Variants in DNAJC15 observed in about 807,000 individuals in gnomAD.
DNAJC15 encodes DnaJ heat shock protein family (Hsp40) member C15.
DNAJC15 carries 27 observed loss-of-function variants against 22.4 expected under a neutral mutation model. That is an observed-to-expected ratio of 1.20 (90% CI 0.89 to 1.66). DNAJC15 has a LOEUF of 1.66. DNAJC15 is among the 40% of genes most tolerant of loss of function. The pLI, the probability that DNAJC15 is intolerant of heterozygous loss-of-function variation, is 0.00. For missense variants in DNAJC15, 208 were observed against 187.1 expected (o/e 1.11, Z -0.65); for synonymous variants, 79 against 63.2 (o/e 1.25, Z -1.19).
chr13:43,107,109 A>G (rs1458373752), intron 5 of DNAJC15, 69 bp from the exon 6 acceptor site: 11 of 1,237,074 alleles, frequency 8.9e-6, no homozygotes, highest in African/African-American at 1.6e-5. Context: ...GAGTATTTTT[A>G]TATTTTGGGG....
chr13:43,094,902 A>G (rs1405677269), intron 5 of DNAJC15, among the ~76,000 whole-genome samples: 4 of 151,708 alleles, frequency 2.6e-5, no homozygotes, highest in African/African-American at 9.7e-5. Context: ...TCAGAATGTC[A>G]TTTTACCTCT....
chr13:43,111,823 A>G lies in DNAJC15; in HGVS notation c.*4575A>G, dbSNP rs915568393. 7 of 152,218 alleles carry G rather than the reference A, an allele frequency of 4.6e-5. No homozygotes were observed. The highest frequency in any genetic ancestry group is 1.0e-4 in the Non-Finnish European group (7 of 68,038). The allele number at this position is 152,218 out of a possible 1,614,324, so 9.4% of individuals were successfully genotyped here. Reference sequence around the variant, plus strand: ...CAGCATAGTCCGTCCCTTCTAATGGAAAAGCAACCCAAAGAGCAAATCCTA... The same window carrying G: ...CAGCATAGTCCGTCCCTTCTAATGGGAAAGCAACCCAAAGAGCAAATCCTA... On this transcript the variant is annotated 3_prime_UTR_variant, in exon 6 of 6. Coordinates refer to ENST00000379221, the MANE Select transcript of DNAJC15 (RefSeq NM_013238.3).
intron 1 of DNAJC15, among the ~76,000 whole-genome samples, chr13:43,034,910 T>C (rs186396402): frequency 6.2e-4 from 94 of 152,330 alleles, no homozygotes; most frequent in African/African-American, 2.2e-3. Context: ...ATGAGTTCTG[T>C]GTATATAACA....
chr13:43,049,668 T>C (rs2040494036), intron 1 of DNAJC15, among the ~76,000 whole-genome samples: 1 of 152,222 alleles, frequency 6.6e-6, no homozygotes, highest in Non-Finnish European at 1.5e-5. Context: ...TACTTAGACT[T>C]AGATTGACTC....
intron 1 of DNAJC15, among the ~76,000 whole-genome samples, chr13:43,026,608 G>GAA (rs202134268): frequency 6.7e-6 from 1 of 149,844 alleles, no homozygotes; most frequent in African/African-American, 2.5e-5. Context: ...TATTAGGAAA[G>GAA]AAAAAAAAAT....
chr13:43,037,089 G>A (rs1215975001), intron 1 of DNAJC15, among the ~76,000 whole-genome samples: 1 of 152,226 alleles, frequency 6.6e-6, no homozygotes, highest in South Asian at 2.1e-4. Flanking sequence ...CAGCTCTGCT[G>A]AATGTCCAGC....
At position 43,094,809 on chromosome 13, in the gene DNAJC15, A is replaced by T. The variant is rs183880271; in HGVS notation, c.382+8971A>T. Among the ~76,000 whole-genome samples the T allele has an allele frequency of 2.0e-5, 3 of 152,306 alleles. No individual in the cohort carries two copies. In the East Asian group the frequency reaches 5.8e-4, roughly 29 times the overall value. On this transcript the variant is annotated intron_variant, in intron 5 of 5. Coordinates refer to ENST00000379221, the MANE Select transcript of DNAJC15 (RefSeq NM_013238.3). ...AGAAGCCTTGCCTGCCCCCAGCAGC[A>T]GCCTTCTTGTGTCCATTGCCCATAC...
intron 5 of DNAJC15, among the ~76,000 whole-genome samples, chr13:43,089,252 A>G (rs570374296): frequency 6.6e-6 from 1 of 152,224 alleles, no homozygotes; most frequent in Non-Finnish European, 1.5e-5. Context: ...TTTATTTAGC[A>G]CCTACTATGT....
chr13:43,092,359 G>A (rs1156425113), intron 5 of DNAJC15, among the ~76,000 whole-genome samples: 1 of 151,634 alleles, frequency 6.6e-6, no homozygotes, highest in African/African-American at 2.4e-5. Flanking sequence ...CAGCCTTTTT[G>A]TATCTCTCTT....
At chr13:43,068,443 T>G (rs2040593253) in intron 2 of DNAJC15, among the ~76,000 whole-genome samples, 1 of 152,238 alleles carries the variant, frequency 6.6e-6, no homozygotes, top group East Asian at 1.9e-4. Context: ...GCTTTTTTAC[T>G]TTAGAGATAA....
intron 5 of DNAJC15, among the ~76,000 whole-genome samples, chr13:43,097,826 A>G (rs1336548866): frequency 6.6e-6 from 1 of 152,152 alleles, no homozygotes; most frequent in Non-Finnish European, 1.5e-5. Context: ...AATCCCAGCT[A>G]CTCAGGAGGC....
At chr13:43,038,884 A>G (rs1751058156) in intron 1 of DNAJC15, among the ~76,000 whole-genome samples, 1 of 152,146 alleles carries the variant, frequency 6.6e-6, no homozygotes, top group Admixed American at 6.5e-5. Context: ...TAAGGACACC[A>G]AGGACTGGTG....
chr13:43,073,471 T>C (rs149080965), intron 3 of DNAJC15, among the ~76,000 whole-genome samples: 1 of 123,858 alleles, frequency 8.1e-6, no homozygotes, highest in African/African-American at 3.2e-5. Context: ...TATGGTTCTC[T>C]TTCTCAGCCT....
chr13:43,067,782 A>G (rs2040590704), intron 2 of DNAJC15, among the ~76,000 whole-genome samples: 1 of 152,168 alleles, frequency 6.6e-6, no homozygotes, highest in South Asian at 2.1e-4. Context: ...TGAGATTAGA[A>G]GTCAGTCACT....
intron 1 of DNAJC15, among the ~76,000 whole-genome samples, chr13:43,030,467 A>G (rs2153439398): frequency 6.6e-6 from 1 of 152,330 alleles, no homozygotes; most frequent in Non-Finnish European, 1.5e-5. Flanking sequence ...ACACATAGAC[A>G]ATAAATAAAT....
chr13:43,105,370 A>G (rs1364692943), intron 5 of DNAJC15, among the ~76,000 whole-genome samples: 1 of 152,214 alleles, frequency 6.6e-6, no homozygotes, highest in African/African-American at 2.4e-5. Context: ...CCTAATGTGA[A>G]TCAAACACTA....
intron 1 of DNAJC15, among the ~76,000 whole-genome samples, chr13:43,063,302 G>A (rs1355890033): frequency 2.0e-5 from 3 of 152,192 alleles, no homozygotes; most frequent in African/African-American, 2.4e-5. Flanking sequence ...GAGCCACCGC[G>A]TCCAGCTTTT....
At chr13:43,080,848 A>G (rs1341681334) in intron 4 of DNAJC15, among the ~76,000 whole-genome samples, 1 of 152,250 alleles carries the variant, frequency 6.6e-6, no homozygotes, top group Non-Finnish European at 1.5e-5. Flanking sequence ...GTCCTAACAC[A>G]TTAAGTGGAA....
At chr13:43,024,205 CGG>C (rs1181108186) in intron 1 of DNAJC15, among the ~76,000 whole-genome samples, 1 of 151,958 alleles carries the variant, frequency 6.6e-6, no homozygotes, top group Non-Finnish European at 1.5e-5. Flanking sequence ...CCAAAGTCTC[CGG>C]CACAGAAACA....
Sources: gnomAD v4.1 joint callset for allele counts (sites outside exome capture counted in the v4.1 genomes callset) on GRCh38, gnomAD v4.1.1 for gene constraint, MANE v1.5 for transcripts, NCBI Gene and HGNC (gene_info 2026-07-23, HGNC 2026-07-21) for gene names.